Variants in PHF6 observed in about 807,000 individuals in gnomAD.
The protein encoded by PHF6 is PHD finger protein 6.
PHF6 carries 7 observed loss-of-function variants against 34.0 expected under a neutral mutation model. That is an observed-to-expected ratio of 0.21 (90% confidence interval 0.12 to 0.39). The LOEUF (loss-of-function observed/expected upper bound fraction) is 0.39, where lower values mean the gene tolerates loss of function less well. PHF6 is among the 10% of genes least tolerant of loss of function. The pLI is 1.00. For missense variants in PHF6, 128 were observed against 262.8 expected (o/e 0.49, Z 3.55); for synonymous variants, 89 against 88.4 (o/e 1.01, Z -0.04).
intron 2 of PHF6, 76 bp from the exon 3 acceptor site, chrX:134,377,929 A>G (rs2077285775): frequency 1.1e-6 from 1 of 940,099 alleles, no homozygotes; most frequent in Non-Finnish European, 1.5e-6. Context: ...TACCATTTAA[A>G]TTTGACATCT....
At chrX:134,377,343 A>G (rs759666836) in intron 1 of PHF6, among the ~76,000 whole-genome samples, 15 of 112,045 alleles carry the variant, frequency 1.3e-4, no homozygotes, top group Non-Finnish European at 2.4e-4. Flanking sequence ...TCAAACAAAC[A>G]ACTTACATGA....
At chrX:134,419,054 G>A (rs1359080348) in intron 9 of PHF6, 1 of 110,684 alleles carries the variant, frequency 9.0e-6, no homozygotes, top group African/African-American at 3.3e-5. Context: ...GTTTTGTTTT[G>A]TTGCCCAGAC....
chrX:134,417,352 T>A lies in PHF6; in HGVS notation c.968+50T>A, dbSNP rs191839567. ...TCCCTAAACATGTTAGTAACCGTCCTTAAATAGATGACATTAGTTTACTCA... is the reference window on the plus strand; with the variant it reads ...TCCCTAAACATGTTAGTAACCGTCCATAAATAGATGACATTAGTTTACTCA... On this transcript the variant is annotated intron_variant, in intron 9 of 10. Coordinates refer to ENST00000370803, the MANE Select transcript of PHF6 (RefSeq NM_001015877.2). 6.4e-4 allele frequency: 732 copies of A among 1,146,912 alleles called. 2 individuals are homozygous for A. Among genetic ancestry groups the A allele is most frequent in the Middle Eastern group, 3.7e-3 (11 of 2,977 alleles). 94.5% of individuals were successfully genotyped at this position (1,146,912 alleles called of 1,213,427 possible). A position where few individuals can be genotyped will look rare whatever the true frequency, so the allele number is the denominator to read the frequency against.
intron 5 of PHF6, among the ~76,000 whole-genome samples, chrX:134,398,340 C>T (rs2077386287): frequency 8.9e-6 from 1 of 111,822 alleles, no homozygotes; most frequent in Non-Finnish European, 1.9e-5. Flanking sequence ...CAGGGAGCTA[C>T]AATCATGCCA....
intron 5 of PHF6, among the ~76,000 whole-genome samples, chrX:134,409,453 A>G (rs765146042): frequency 9.0e-5 from 10 of 111,109 alleles, no homozygotes; most frequent in African/African-American, 3.3e-4. Context: ...ACTCTTGTGT[A>G]TTCTTTTTTT....
At chrX:134,377,106 G>A (rs1349124912) in intron 1 of PHF6, among the ~76,000 whole-genome samples, 1 of 110,708 alleles carries the variant, frequency 9.0e-6, no homozygotes, top group African/African-American at 3.3e-5. Flanking sequence ...TGCCAGCAGG[G>A]GATAATTTAA....
intron 5 of PHF6, among the ~76,000 whole-genome samples, chrX:134,398,442 G>C (rs2077386939): frequency 9.0e-6 from 1 of 111,474 alleles, no homozygotes; most frequent in East Asian, 2.8e-4. Flanking sequence ...GTTGGGAGAA[G>C]AATACATGGG....
At chrX:134,414,972 A>G (rs780027060) in intron 7 of PHF6, 44 bp from the exon 8 acceptor site, 19 of 1,043,317 alleles carry the variant, frequency 1.8e-5, no homozygotes, top group Non-Finnish European at 2.5e-5. Flanking sequence ...TGTTTCTCTC[A>G]TAAGGATTCT....
rs761592082 is a variant in PHF6, at chrX:134,427,462, C to T, written c.*1802C>T. 9 of 158,855 alleles carry T rather than the reference C, an allele frequency of 5.7e-5. No individual in the cohort carries two copies. Among genetic ancestry groups the T allele is most frequent in the Non-Finnish European group, 1.1e-4 (9 of 82,007 alleles). The allele number at this position is 158,855 out of a possible 1,213,427, so 13.1% of individuals were successfully genotyped here. A position where few individuals can be genotyped will look rare whatever the true frequency, so the allele number is the denominator to read the frequency against. On this transcript the variant is annotated 3_prime_UTR_variant, in exon 11 of 11. Transcript: ENST00000370803. ...GACTTACCCATGGGACAACAGAGCTCCTTCATTTTTGGACAACTACTGTAA... is the reference window on the plus strand; with the variant it reads ...GACTTACCCATGGGACAACAGAGCTTCTTCATTTTTGGACAACTACTGTAA...
intron 5 of PHF6, among the ~76,000 whole-genome samples, chrX:134,397,986 A>G (rs919219295): frequency 8.9e-6 from 1 of 112,544 alleles, no homozygotes; most frequent in African/African-American, 3.2e-5. Context: ...TTAAGTCTTA[A>G]AAGACTAAAG....
intron 5 of PHF6, among the ~76,000 whole-genome samples, chrX:134,406,110 CTTT>C (rs761145296): frequency 3.2e-4 from 25 of 77,000 alleles, no homozygotes; most frequent in Middle Eastern, 5.6e-3. Flanking sequence ...TTCTTTCTTT[CTTT>C]TTTTTTTTAC....
chrX:134,377,319 T>C (rs978331993), intron 1 of PHF6, among the ~76,000 whole-genome samples: 3 of 112,010 alleles, frequency 2.7e-5, no homozygotes, highest in Non-Finnish European at 3.8e-5. Flanking sequence ...AAAATGTATA[T>C]ATTAAAACCT....
intron 1 of PHF6, among the ~76,000 whole-genome samples, chrX:134,373,757 C>T (rs2077267160): frequency 9.3e-6 from 1 of 108,094 alleles, no homozygotes; most frequent in Non-Finnish European, 1.9e-5. Flanking sequence ...TAGTTTTTGC[C>T]ATTGCTTAGA....
intron 3 of PHF6, among the ~76,000 whole-genome samples, chrX:134,391,391 T>C (rs746218734): frequency 1.8e-5 from 2 of 112,222 alleles, no homozygotes; most frequent in East Asian, 2.8e-4. Flanking sequence ...AGACTAGGTT[T>C]ATAGAGTAAA....
intron 8 of PHF6, among the ~76,000 whole-genome samples, chrX:134,416,070 G>A (rs1602717053): frequency 9.1e-6 from 1 of 109,710 alleles, no homozygotes; most frequent in East Asian, 2.9e-4. Flanking sequence ...AGTGATTCCC[G>A]TGCCTCAGTT....
chrX:134,401,412 TAATA>T (rs775321211), intron 5 of PHF6, among the ~76,000 whole-genome samples: 44 of 111,778 alleles, frequency 3.9e-4, no homozygotes, highest in Non-Finnish European at 6.8e-4. Context: ...CAAATGAGAC[TAATA>T]AATATATAAT....
intron 9 of PHF6, chrX:134,418,164 G>C (rs1225249484): frequency 9.0e-6 from 1 of 111,473 alleles, no homozygotes; most frequent in East Asian, 2.8e-4. Flanking sequence ...AGAGCCCCGG[G>C]TGAGACAGAA....
chrX:134,416,696 A>G (rs7061470), intron 8 of PHF6, among the ~76,000 whole-genome samples: 16,407 of 111,488 alleles, frequency 0.15, 1,127 homozygotes, highest in East Asian at 0.43. Flanking sequence ...GGCAAGGTTT[A>G]TCTAGGCCAA....
chrX:134,393,946 T>C lies in PHF6; in HGVS notation c.412T>C (p.Ser138Pro). 2 of 1,210,500 alleles carry C rather than the reference T, an allele frequency of 1.7e-6. No homozygotes were observed. The highest frequency in any genetic ancestry group is 3.5e-5 in the South Asian group (2 of 56,930). Reference sequence around the variant, plus strand: ...AAAACACAAGAAAACTGCACATAACTCCGAAGGTACATCATTTAGCCACGT... The same window carrying C: ...AAAACACAAGAAAACTGCACATAACCCCGAAGGTACATCATTTAGCCACGT... Reference protein sequence around the residue: ...CRKHKKTAHNSEADLEESFNE... With the variant: ...CRKHKKTAHNPEADLEESFNE... The change falls in exon 5 of 11, where the codon TCC becomes CCC. Residue 138 changes from serine to proline, a missense_variant. Ser to Pro is a moderately conservative substitution (Grantham distance 74, BLOSUM62 -1). Transcript: ENST00000370803.
Sources: allele counts gnomAD v4.1 joint callset (sites outside exome capture counted in the v4.1 genomes callset), GRCh38; gene constraint gnomAD v4.1.1; transcripts MANE v1.5; gene names NCBI Gene and HGNC (gene_info 2026-07-23, HGNC 2026-07-21).